The following SPAG17 variants were observed in gnomAD, a reference collection of about 807,000 sequenced individuals.
SPAG17 encodes sperm-associated antigen 17.
SPAG17 carries 169 observed loss-of-function variants against 273.6 expected under a neutral mutation model. The observed-to-expected ratio is 0.62, with a 90% CI of 0.55 to 0.70. The LOEUF (loss-of-function observed/expected upper bound fraction) is 0.70, where lower values mean the gene tolerates loss of function less well. Among genes scored for constraint, SPAG17 ranks in the 30% least tolerant of loss-of-function variants. The probability of loss-of-function intolerance (pLI) is 0.00; values close to 1 mark genes in which losing one functional copy is unlikely to be tolerated. For missense variants in SPAG17, 2,557 were observed against 2,627.8 expected (o/e 0.97, Z 0.59); for synonymous variants, 825 against 873.2 (o/e 0.94, Z 0.97).
At chr1:118,070,002 T>C (rs1294602525) in intron 17 of SPAG17, among the ~76,000 whole-genome samples, 1 of 152,156 alleles carries the variant, frequency 6.6e-6, no homozygotes, top group South Asian at 2.1e-4. Flanking sequence ...CAGTAAGGAC[T>C]GAGAAAAACT....
At chr1:118,152,707 G>A (rs1019068218) in intron 1 of SPAG17, among the ~76,000 whole-genome samples, 3 of 152,122 alleles carry the variant, frequency 2.0e-5, no homozygotes, top group Non-Finnish European at 2.9e-5. Flanking sequence ...CTGTTATAAT[G>A]AGTTGAAAAC....
In SPAG17 at chr1:117,966,688, C is replaced by T. The variant is rs546146699; in HGVS notation, c.6453G>A (p.Gly2151=). The T allele has an allele frequency of 6.2e-7, 1 of 1,613,988 alleles. No individual in the cohort carries two copies. Among genetic ancestry groups the T allele is most frequent in the East Asian group, 2.2e-5 (1 of 44,876 alleles). The stretch of plus-strand genomic sequence containing the variant: ...GAGAGATGTGTGCTGATCCCTTGGC[C>T]CCATCCTCTCCAACAGCTGTGGCAA... ...ELFATAVGED[G]AKGSAHISHN... Residue 2151 remains glycine, a synonymous_variant, in exon 47 of 49, where the codon GGG becomes GGA. Coordinates refer to ENST00000336338, the MANE Select transcript of SPAG17 (RefSeq NM_206996.4).
chr1:118,093,442 C>G (rs990570239), intron 7 of SPAG17, 125 bp from the exon 8 acceptor site: 5 of 899,806 alleles, frequency 5.6e-6, no homozygotes, highest in Non-Finnish European at 8.1e-6. Context: ...CCCTAAATCT[C>G]CAAACCACTG....
intron 39 of SPAG17, 27 bp from the exon 40 acceptor site, chr1:117,987,908 T>G: frequency 6.2e-7 from 1 of 1,612,480 alleles, no homozygotes; most frequent in Non-Finnish European, 8.5e-7. Context: ...GAAAGTATGG[T>G]GAAAAGGGGC....
chr1:118,010,723 T>C (rs1557902831), intron 30 of SPAG17, among the ~76,000 whole-genome samples: 1 of 152,102 alleles, frequency 6.6e-6, no homozygotes, highest in Non-Finnish European at 1.5e-5. Context: ...TGAGATCTAA[T>C]TAAAACAAAG....
rs1113544 is a variant in SPAG17 at position 118,146,883 on chromosome 1, T to C, written c.315+3660A>G. ...GTGATGTGGGCTAACTGATGTAATA[T>C]ATGTAAAAGATCAAAACTATCAGGA... On this transcript the variant is annotated intron_variant, in intron 3 of 48. Coordinates refer to ENST00000336338, the MANE Select transcript of SPAG17 (RefSeq NM_206996.4). Among the ~76,000 whole-genome samples, 180 of 152,272 alleles carry C rather than the reference T, an allele frequency of 1.2e-3. 2 individuals carry two copies. The East Asian group carries it at 0.028, about 24-fold the overall frequency.
chr1:118,033,800 A>G (rs1648756638), intron 24 of SPAG17, among the ~76,000 whole-genome samples: 1 of 152,198 alleles, frequency 6.6e-6, no homozygotes, highest in South Asian at 2.1e-4. Context: ...AAGTTCTAGA[A>G]TTCCCTTTCC....
chr1:118,086,395 C>A (rs1654998252), intron 12 of SPAG17, among the ~76,000 whole-genome samples: 1 of 152,048 alleles, frequency 6.6e-6, no homozygotes, highest in Non-Finnish European at 1.5e-5. Context: ...ATATTTGAAG[C>A]AAATAATTAT....
chr1:118,028,670 T>C (rs1648064625), intron 25 of SPAG17, among the ~76,000 whole-genome samples: 1 of 152,072 alleles, frequency 6.6e-6, no homozygotes, highest in Admixed American at 6.6e-5. Context: ...GGGAAAGGAT[T>C]TGTGGAATAA....
At chr1:118,032,758 A>AT (rs1192731297) in intron 24 of SPAG17, among the ~76,000 whole-genome samples, 1 of 151,382 alleles carries the variant, frequency 6.6e-6, no homozygotes, top group Admixed American at 6.6e-5. Context: ...CGCCTGGCTA[A>AT]TTTTTTTGTA....
intron 3 of SPAG17, among the ~76,000 whole-genome samples, chr1:118,136,793 G>A (rs1658385294): frequency 1.0e-5 from 1 of 97,724 alleles, no homozygotes; most frequent in East Asian, 2.9e-4. Flanking sequence ...TAAAGTGTGT[G>A]TGTGTGTATG....
chr1:117,955,119 G>A (rs964529556), intron 48 of SPAG17: 6 of 474,274 alleles, frequency 1.3e-5, no homozygotes, highest in African/African-American at 1.0e-4. Context: ...TTGACTTGTA[G>A]CATAGTTGGT....
chr1:118,178,218 C>T (rs976861771), intron 1 of SPAG17, among the ~76,000 whole-genome samples: 2 of 152,064 alleles, frequency 1.3e-5, no homozygotes, highest in East Asian at 3.9e-4. Context: ...AAACCAAATT[C>T]AACAACACAT....
At chr1:118,058,345 T>A (rs1335203119) in intron 18 of SPAG17, among the ~76,000 whole-genome samples, 1 of 152,054 alleles carries the variant, frequency 6.6e-6, no homozygotes, top group Non-Finnish European at 1.5e-5. Flanking sequence ...GTAGCTGGGA[T>A]CACAGGTGCA....
chr1:118,019,806 T>C (rs568559786), intron 28 of SPAG17, among the ~76,000 whole-genome samples: 1 of 152,326 alleles, frequency 6.6e-6, no homozygotes, highest in South Asian at 2.1e-4. Context: ...GTATAAAGGA[T>C]ATTTTCAATG....
chr1:118,056,269 C>T (rs1395578252), intron 18 of SPAG17, among the ~76,000 whole-genome samples: 9 of 152,136 alleles, frequency 5.9e-5, no homozygotes, highest in Admixed American at 2.0e-4. Context: ...TCACTTTCAC[C>T]ACTGTTAGTT....
At chr1:118,142,706 T>G (rs1188837754) in intron 3 of SPAG17, among the ~76,000 whole-genome samples, 1 of 152,112 alleles carries the variant, frequency 6.6e-6, no homozygotes, top group Non-Finnish European at 1.5e-5. Flanking sequence ...TTTACGAGGA[T>G]TTTACAAAGA....
chr1:118,168,014 C>G lies in SPAG17; in HGVS notation c.88-16645G>C, dbSNP rs928246040. On this transcript the variant is annotated intron_variant, in intron 1 of 48. Transcript: ENST00000336338. ...TTGCCTTCTCTGTTATGACTGGAAGCTTCCTGAGGCCTCCCCAGAAGCAGA... is the reference window on the plus strand; with the variant it reads ...TTGCCTTCTCTGTTATGACTGGAAGGTTCCTGAGGCCTCCCCAGAAGCAGA... Among the ~76,000 whole-genome samples, 5 of 152,216 alleles carry G rather than the reference C, an allele frequency of 3.3e-5. No individual in the cohort carries two copies. The East Asian group carries it at 7.7e-4, about 23-fold the overall frequency.
chr1:118,110,766 G>GGTC (rs1431455911), intron 4 of SPAG17, among the ~76,000 whole-genome samples: 1 of 152,160 alleles, frequency 6.6e-6, no homozygotes, highest in Non-Finnish European at 1.5e-5. Context: ...CACAGCCATT[G>GGTC]GTCCTACAGG....
Sources: allele counts gnomAD v4.1 joint callset (sites outside exome capture counted in the v4.1 genomes callset), GRCh38; gene constraint gnomAD v4.1.1; transcripts MANE v1.5; gene names NCBI Gene and HGNC (gene_info 2026-07-23, HGNC 2026-07-21).